Variants in CDH12 observed in about 807,000 individuals in gnomAD.
CDH12 encodes the protein cadherin-12.
Under a neutral mutation model 74.1 loss-of-function variants are expected in CDH12, and 41 were observed. The observed-to-expected ratio is 0.55, with a 90% confidence interval of 0.43 to 0.72. The LOEUF is 0.72. Ranked by LOEUF, CDH12 falls within the 30% of genes least tolerant of loss-of-function variation. The pLI, the probability that CDH12 is intolerant of heterozygous loss-of-function variation, is 0.00. For synonymous variants in CDH12, 399 were observed against 355.0 expected (o/e 1.12, Z -1.39); for missense variants, 945 against 977.2 (o/e 0.97, Z 0.44).
Position 22,091,291 on chromosome 5 carries a change from GAGAGAGAA to G in CDH12, c.-186-12437_-186-12430del, listed in dbSNP as rs567912417. On this transcript the variant is annotated intron_variant, in intron 4 of 14. Transcript: ENST00000382254. ...TGTGTGTGTGTTTGTGTGTGTGTGT[GAGAGAGAA>G]AGAGAGAGAGAGAGAAACAGAGGGA... is the stretch of plus-strand genomic sequence containing the variant. 2.3e-3 allele frequency among the ~76,000 whole-genome samples: 346 copies of G among 148,198 alleles called. 4 individuals are homozygous for G. Among genetic ancestry groups the G allele is most frequent in the African/African-American group, 8.1e-3 (326 of 40,090 alleles).
intron 1 of CDH12, among the ~76,000 whole-genome samples, chr5:22,799,332 C>T (rs929474285): frequency 6.6e-6 from 1 of 152,056 alleles, no homozygotes; most frequent in African/African-American, 2.4e-5. Context: ...CATTAAAAAT[C>T]ATACAGTAAT....
At chr5:22,043,550 T>A (rs1739718548) in intron 5 of CDH12, among the ~76,000 whole-genome samples, 1 of 152,130 alleles carries the variant, frequency 6.6e-6, no homozygotes, top group South Asian at 2.1e-4. Context: ...GATGCCCACC[T>A]TCTCCATTTC....
rs572744655 is a variant in CDH12 at position 21,824,685 on chromosome 5, T to C, written c.815-7553A>G. On this transcript the variant is annotated intron_variant, in intron 8 of 14. Coordinates refer to ENST00000382254, the MANE Select transcript of CDH12 (RefSeq NM_004061.5). ...TTTTCTGGGAAAATATATTAGAGTT[T>C]ATTGTTTGTCTTAGCTAAATGGAAG... is the stretch of plus-strand genomic sequence containing the variant. 1.6e-4 allele frequency among the ~76,000 whole-genome samples: 24 copies of C among 152,282 alleles called. No homozygotes were observed. The South Asian group carries it at 5.0e-3, about 32-fold the overall frequency.
chr5:22,691,864 A>T (rs888746378), intron 1 of CDH12, among the ~76,000 whole-genome samples: 1 of 152,240 alleles, frequency 6.6e-6, no homozygotes, highest in African/African-American at 2.4e-5. Flanking sequence ...GAAGAACAGA[A>T]AAAAAGAAGG....
chr5:22,601,811 C>T (rs1387381428), intron 1 of CDH12, among the ~76,000 whole-genome samples: 1 of 151,980 alleles, frequency 6.6e-6, no homozygotes, highest in East Asian at 1.9e-4. Context: ...GGTGCAAATG[C>T]AGGATGATTT....
In CDH12 at chr5:21,751,595, G is replaced by A. The variant is rs754803552; in HGVS notation, c.*142C>T. The A allele has an allele frequency of 1.4e-3, 697 of 497,530 alleles. 2 individuals are homozygous for A. Among genetic ancestry groups the A allele is most frequent in the Middle Eastern group, 3.0e-3 (7 of 2,320 alleles). 30.8% of individuals were successfully genotyped at this position (497,530 alleles called of 1,614,324 possible). On this transcript the variant is annotated 3_prime_UTR_variant, in exon 15 of 15. Coordinates refer to ENST00000382254, the MANE Select transcript of CDH12 (RefSeq NM_004061.5). ...CTTACTAGAAACCAGGTAATCAAAG[G>A]AATCTTGTCCCAGAGTGTGTGTGTG...
At chr5:22,345,865 A>T (rs1185164867) in intron 3 of CDH12, among the ~76,000 whole-genome samples, 1 of 152,180 alleles carries the variant, frequency 6.6e-6, no homozygotes, top group Non-Finnish European at 1.5e-5. Context: ...GCACTTTGAG[A>T]GGCTGAGGCA....
intron 1 of CDH12, among the ~76,000 whole-genome samples, chr5:22,813,904 C>T (rs1749266431): frequency 6.6e-6 from 1 of 152,162 alleles, no homozygotes; most frequent in South Asian, 2.1e-4. Flanking sequence ...CCAGCTATGT[C>T]ATGCCCTGAC....
chr5:22,058,711 A>G (rs947280296), intron 5 of CDH12, among the ~76,000 whole-genome samples: 4 of 148,360 alleles, frequency 2.7e-5, no homozygotes, highest in African/African-American at 7.7e-5. Flanking sequence ...AAGAAAGAAA[A>G]AGAAAGAAAG....
intron 4 of CDH12, among the ~76,000 whole-genome samples, chr5:22,132,161 G>A (rs1746210439): frequency 1.3e-5 from 2 of 151,954 alleles, no homozygotes; most frequent in Admixed American, 6.6e-5. Flanking sequence ...TATATAGATG[G>A]AAGGCCTTGA....
At chr5:22,032,808 GTA>G (rs1167018019) in intron 5 of CDH12, among the ~76,000 whole-genome samples, 4 of 146,690 alleles carry the variant, frequency 2.7e-5, no homozygotes, top group Non-Finnish European at 3.0e-5. Flanking sequence ...TATATAGTGT[GTA>G]TATATACACA....
intron 1 of CDH12, among the ~76,000 whole-genome samples, chr5:22,843,475 A>G (rs998575228): frequency 6.6e-6 from 1 of 152,090 alleles, no homozygotes; most frequent in Non-Finnish European, 1.5e-5. Flanking sequence ...CCTGTCATTC[A>G]TATTTCATAG....
intron 5 of CDH12, among the ~76,000 whole-genome samples, chr5:22,009,939 C>CAAAAAAAAAAAAAAAA (rs774589642): frequency 2.4e-4 from 13 of 54,294 alleles, no homozygotes; most frequent in African/African-American, 6.2e-4. Flanking sequence ...GAAACTGTCT[C>CAAAAAAAAAAAAAAAA]AAAAAAAAAA....
At chr5:21,769,735 T>C (rs1582959) in intron 11 of CDH12, among the ~76,000 whole-genome samples, 4,752 of 152,272 alleles carry the variant, frequency 0.031, 90 homozygotes, top group Middle Eastern at 0.058. Context: ...AACTTATAGT[T>C]CTCATGCTAT....
At chr5:21,884,922 G>A (rs562926531) in intron 6 of CDH12, among the ~76,000 whole-genome samples, 7 of 152,086 alleles carry the variant, frequency 4.6e-5, no homozygotes, top group Non-Finnish European at 5.9e-5. Context: ...TTTCACTCTT[G>A]TTGCTCAGGC....
intron 6 of CDH12, among the ~76,000 whole-genome samples, chr5:21,893,425 T>G (rs1384534920): frequency 6.6e-6 from 1 of 152,124 alleles, no homozygotes; most frequent in Non-Finnish European, 1.5e-5. Flanking sequence ...AAGCGGGAAT[T>G]GCAGACATAT....
intron 8 of CDH12, among the ~76,000 whole-genome samples, chr5:21,835,273 C>CTA (rs1326467077): frequency 1.4e-4 from 21 of 151,486 alleles, no homozygotes; most frequent in Non-Finnish European, 2.7e-4. Context: ...ATGAATATAC[C>CTA]TATATATATA....
At chr5:22,675,049 G>T (rs1351362248) in intron 1 of CDH12, among the ~76,000 whole-genome samples, 2 of 152,162 alleles carry the variant, frequency 1.3e-5, no homozygotes, top group African/African-American at 4.8e-5. Flanking sequence ...ATTTGCATAA[G>T]TAACAAGGAG....
chr5:22,654,717 C>A (rs1580855633), intron 1 of CDH12, among the ~76,000 whole-genome samples: 1 of 151,868 alleles, frequency 6.6e-6, no homozygotes, highest in African/African-American at 2.4e-5. Flanking sequence ...CTCACTGCAA[C>A]CCCTGCGTCC....
Sources: allele counts gnomAD v4.1 joint callset (sites outside exome capture counted in the v4.1 genomes callset), GRCh38; gene constraint gnomAD v4.1.1; transcripts MANE v1.5; gene names NCBI Gene and HGNC (gene_info 2026-07-23, HGNC 2026-07-21).